Variants in RBFOX1 observed in about 807,000 individuals in gnomAD.
RBFOX1 encodes the protein RNA binding fox-1 homolog 1.
RBFOX1 carries 8 observed loss-of-function variants against 57.7 expected under a neutral mutation model. That is an observed-to-expected ratio of 0.14 (90% CI 0.08 to 0.25). RBFOX1 has a LOEUF of 0.25. Among genes scored for constraint, RBFOX1 ranks in the 10% least tolerant of loss-of-function variants. The pLI is 1.00. For synonymous variants in RBFOX1, 326 were observed against 222.4 expected (o/e 1.47, Z -4.15); for missense variants, 611 against 548.5 (o/e 1.11, Z -1.14).
At chr16:6,591,450 T>C (rs2097709326) in intron 2 of RBFOX1, among the ~76,000 whole-genome samples, 1 of 152,012 alleles carries the variant, frequency 6.6e-6, no homozygotes, top group African/African-American at 2.4e-5. Flanking sequence ...TGAGACTCTG[T>C]CTCACAAAAA....
At chr16:6,542,504 T>C (rs1371792787) in intron 2 of RBFOX1, among the ~76,000 whole-genome samples, 4 of 122,780 alleles carry the variant, frequency 3.3e-5, no homozygotes, top group Middle Eastern at 4.3e-3. Flanking sequence ...TTTTTTTTTT[T>C]TTTGAGCAGG....
In RBFOX1 at chr16:7,607,318, A is replaced by G. The variant is rs1308872865; in HGVS notation, c.656A>G (p.Tyr219Cys). ...TTGAATCCAGTTGTGGGTGCAGTCT[A>G]CAGTCCCGAATTCTATGCAGGTACA... Reference protein sequence around the residue: ...WKLNPVVGAVYSPEFYAGTVL... With the variant: ...WKLNPVVGAVCSPEFYAGTVL... Residue 219 changes from tyrosine (Y) to cysteine (C), a missense_variant, in exon 10 of 16, where the codon TAC becomes TGC. This residue lies in a region of RBFOX1 where 99 missense variants were observed against 160.3 expected (regional missense o/e 0.62). Coordinates refer to ENST00000550418, the MANE Select transcript of RBFOX1 (RefSeq NM_018723.4). The G allele has an allele frequency of 1.1e-5, 18 of 1,611,248 alleles. No individual in the cohort carries two copies. The highest frequency in any genetic ancestry group is 1.7e-5 in the Admixed American group (1 of 59,232).
chr16:7,369,394 C>G (rs531764633), intron 4 of RBFOX1, among the ~76,000 whole-genome samples: 82 of 152,248 alleles, frequency 5.4e-4, no homozygotes, highest in South Asian at 1.5e-3. Flanking sequence ...CAGACTCTCC[C>G]TCAAGCCCTT....
chr16:6,908,843 T>G (rs928487739), intron 3 of RBFOX1, among the ~76,000 whole-genome samples: 1 of 152,164 alleles, frequency 6.6e-6, no homozygotes, highest in Admixed American at 6.5e-5. Flanking sequence ...CTCACAAGGC[T>G]ATTGTGGGGA....
chr16:6,544,828 G>C (rs182006514), intron 2 of RBFOX1, among the ~76,000 whole-genome samples: 1 of 152,128 alleles, frequency 6.6e-6, no homozygotes, highest in African/African-American at 2.4e-5. Context: ...GGGTACCCAC[G>C]ACCAGTGATA....
At chr16:5,325,796 A>G (rs1237746046) in intron 1 of RBFOX1, among the ~76,000 whole-genome samples, 1 of 152,154 alleles carries the variant, frequency 6.6e-6, no homozygotes, top group Non-Finnish European at 1.5e-5. Context: ...CATTGTATGG[A>G]TATACTGCAG....
chr16:7,024,761 T>C (rs961744925), intron 3 of RBFOX1, among the ~76,000 whole-genome samples: 1 of 152,204 alleles, frequency 6.6e-6, no homozygotes, highest in Non-Finnish European at 1.5e-5. Context: ...AGACAGTGCA[T>C]TCAATGTTGA....
intron 2 of RBFOX1, among the ~76,000 whole-genome samples, chr16:5,556,677 C>T (rs112913749): frequency 6.6e-6 from 1 of 152,288 alleles, no homozygotes; most frequent in African/African-American, 2.4e-5. Flanking sequence ...CGGGCACCTT[C>T]CATGTGATAC....
rs113246064 is a variant in RBFOX1 at position 6,897,358 on chromosome 16, G to A, written c.-15-154699G>A. Reference sequence around the variant, plus strand: ...GCAGAGGTTGCAGTGAGCCGAGGTCGTGCCATTGCACTCCAGCCGGGGTGA... The same window carrying A: ...GCAGAGGTTGCAGTGAGCCGAGGTCATGCCATTGCACTCCAGCCGGGGTGA... On this transcript the variant is annotated intron_variant, in intron 3 of 15. Transcript: ENST00000550418. Among the ~76,000 whole-genome samples, 213 of 150,674 alleles carry A rather than the reference G, an allele frequency of 1.4e-3. 2 individuals are homozygous for A. The highest frequency in any genetic ancestry group is 4.9e-3 in the African/African-American group (199 of 40,764).
intron 4 of RBFOX1, among the ~76,000 whole-genome samples, chr16:7,240,986 A>G (rs1444881802): frequency 6.6e-6 from 1 of 152,206 alleles, no homozygotes; most frequent in Non-Finnish European, 1.5e-5. Context: ...CACCTTCCCA[A>G]ACAATTCTCT....
intron 2 of RBFOX1, among the ~76,000 whole-genome samples, chr16:6,603,326 G>A (rs1254175148): frequency 6.6e-6 from 1 of 152,182 alleles, no homozygotes; most frequent in Non-Finnish European, 1.5e-5. Context: ...CTGGCAGTTG[G>A]AGTCTTGTAT....
intron 14 of RBFOX1, among the ~76,000 whole-genome samples, chr16:7,692,413 C>T (rs2077545116): frequency 6.6e-6 from 1 of 151,986 alleles, no homozygotes; most frequent in African/African-American, 2.4e-5. Flanking sequence ...CCTTTTGAAG[C>T]ACTGAAACAT....
chr16:5,574,616 A>G (rs2046394454), intron 2 of RBFOX1, among the ~76,000 whole-genome samples: 1 of 151,896 alleles, frequency 6.6e-6, no homozygotes, highest in Non-Finnish European at 1.5e-5. Flanking sequence ...TTTTTAGTAG[A>G]GATGGGGTTT....
intron 4 of RBFOX1, among the ~76,000 whole-genome samples, chr16:7,149,329 C>A (rs1466772045): frequency 6.6e-6 from 1 of 152,018 alleles, no homozygotes; most frequent in African/African-American, 2.4e-5. Context: ...GGTAAAGAGT[C>A]AAGTCTCTTG....
chr16:6,922,951 C>T (rs987285121), intron 3 of RBFOX1, among the ~76,000 whole-genome samples: 1 of 152,152 alleles, frequency 6.6e-6, no homozygotes, highest in East Asian at 1.9e-4. Context: ...CCAACCAGAA[C>T]ATATCCAAAT....
At chr16:7,341,446 G>T (rs949026815) in intron 4 of RBFOX1, among the ~76,000 whole-genome samples, 1 of 152,144 alleles carries the variant, frequency 6.6e-6, no homozygotes, top group Non-Finnish European at 1.5e-5. Context: ...TCAAGTCCCA[G>T]TCTCCGTCCT....
chr16:7,526,143 TG>T (rs1174111692), intron 5 of RBFOX1, among the ~76,000 whole-genome samples: 1 of 152,192 alleles, frequency 6.6e-6, no homozygotes, highest in Non-Finnish European at 1.5e-5. Flanking sequence ...CTAGATTGTG[TG>T]CTCCTTATGA....
intron 2 of RBFOX1, among the ~76,000 whole-genome samples, chr16:6,479,875 C>T (rs1423033248): frequency 6.6e-6 from 1 of 151,878 alleles, no homozygotes; most frequent in Non-Finnish European, 1.5e-5. Context: ...CATGGTGAAA[C>T]CCCATCTCTA....
intron 2 of RBFOX1, among the ~76,000 whole-genome samples, chr16:6,486,566 G>A (rs772259756): frequency 6.6e-6 from 1 of 152,068 alleles, no homozygotes; most frequent in Non-Finnish European, 1.5e-5. Context: ...GGGATTAAAA[G>A]TCCTCTCTAT....
Sources: gnomAD v4.1 joint callset for allele counts (sites outside exome capture counted in the v4.1 genomes callset) on GRCh38, gnomAD v4.1.1 for gene constraint, gnomAD v4.1.1 regional missense constraint, MANE v1.5 for transcripts, NCBI Gene and HGNC (gene_info 2026-07-23, HGNC 2026-07-21) for gene names.